CDK14: variants seen among roughly 807,000 people sequenced by gnomAD.
CDK14 encodes cyclin-dependent kinase 14.
In CDK14, 34 loss-of-function variants were observed where a neutral mutation model predicts 60.7. The observed-to-expected ratio is 0.56, with a 90% CI of 0.43 to 0.75. CDK14 has a LOEUF of 0.75. Among genes scored for constraint, CDK14 ranks in the 30% least tolerant of loss-of-function variants. The pLI is 0.00. For synonymous variants in CDK14, 197 were observed against 203.7 expected (o/e 0.97, Z 0.28); for missense variants, 482 against 564.1 (o/e 0.85, Z 1.47).
chr7:91,185,390 G>A lies in CDK14; in HGVS notation c.*29-21775G>A, dbSNP rs140371154. On this transcript the variant is annotated intron_variant, in intron 14 of 14. Coordinates refer to ENST00000380050, the MANE Select transcript of CDK14 (RefSeq NM_001287135.2). ...TTTGTTTAAAACTATACTTTTTTCC[G>A]GATTACAGAAGTAACACATGTTCAG... Among the ~76,000 whole-genome samples, 677 of 146,040 alleles carry A rather than the reference G, an allele frequency of 4.6e-3. 6 individuals carry two copies. Among genetic ancestry groups the A allele is most frequent in the South Asian group, 0.02 (89 of 4,474 alleles).
chr7:91,032,582 G>A (rs1562875986), intron 10 of CDK14, among the ~76,000 whole-genome samples: 1 of 152,208 alleles, frequency 6.6e-6, no homozygotes, highest in Non-Finnish European at 1.5e-5. Context: ...GCAGTGTGAA[G>A]AGGGAGGCAG....
At chr7:90,855,294 G>A (rs1480596485) in intron 5 of CDK14, among the ~76,000 whole-genome samples, 1 of 152,064 alleles carries the variant, frequency 6.6e-6, no homozygotes. Context: ...AAGTGAGGAG[G>A]GATTAGAAGT....
At chr7:90,654,132 G>C (rs1304943704) in intron 2 of CDK14, among the ~76,000 whole-genome samples, 3 of 152,124 alleles carry the variant, frequency 2.0e-5, no homozygotes, top group African/African-American at 7.2e-5. Flanking sequence ...AGAAATTCTT[G>C]TAAGGCATGC....
chr7:90,658,760 C>A (rs2116497202), intron 2 of CDK14, among the ~76,000 whole-genome samples: 1 of 152,050 alleles, frequency 6.6e-6, no homozygotes, highest in East Asian at 1.9e-4. Context: ...CTATAAACAC[C>A]CATACATAGG....
intron 2 of CDK14, among the ~76,000 whole-genome samples, chr7:90,620,895 C>T (rs1799751530): frequency 2.0e-5 from 3 of 152,152 alleles, no homozygotes; most frequent in African/African-American, 7.2e-5. Flanking sequence ...AGGCTTCCTC[C>T]TTTTGTTGCC....
At chr7:90,765,348 G>A (rs61344488) in intron 4 of CDK14, among the ~76,000 whole-genome samples, 29,086 of 152,106 alleles carry the variant, frequency 0.19, 2,903 homozygotes, top group South Asian at 0.24. Context: ...GAGCATAAAG[G>A]ATTATTAAAT....
At chr7:90,891,773 A>T (rs568309973) in intron 6 of CDK14, among the ~76,000 whole-genome samples, 6 of 152,370 alleles carry the variant, frequency 3.9e-5, no homozygotes, top group African/African-American at 1.4e-4. Flanking sequence ...ATTAGCTTAC[A>T]AATATTGTGT....
chr7:90,996,474 A>G (rs1332349467), intron 10 of CDK14, among the ~76,000 whole-genome samples: 1 of 152,244 alleles, frequency 6.6e-6, no homozygotes, highest in Non-Finnish European at 1.5e-5. Flanking sequence ...CTTGATAAAA[A>G]GCTATGGCTG....
chr7:90,774,787 A>G (rs1022714568), intron 4 of CDK14, among the ~76,000 whole-genome samples: 5 of 152,216 alleles, frequency 3.3e-5, no homozygotes, highest in Non-Finnish European at 7.3e-5. Context: ...TTTGGTCTCT[A>G]TTAGAATGGG....
chr7:90,782,859 G>A (rs1380183596), intron 4 of CDK14, among the ~76,000 whole-genome samples: 1 of 152,030 alleles, frequency 6.6e-6, no homozygotes, highest in African/African-American at 2.4e-5. Context: ...GAGGAGTTGG[G>A]GTTCCATGAA....
At chr7:91,032,787 C>T (rs1423935736) in intron 10 of CDK14, among the ~76,000 whole-genome samples, 1 of 152,142 alleles carries the variant, frequency 6.6e-6, no homozygotes, top group Non-Finnish European at 1.5e-5. Flanking sequence ...TTTAAGCCAC[C>T]AAGTTTGTGT....
At chr7:90,990,905 C>T (rs552565430) in intron 10 of CDK14, among the ~76,000 whole-genome samples, 2 of 152,246 alleles carry the variant, frequency 1.3e-5, no homozygotes, top group South Asian at 2.1e-4. Flanking sequence ...TTATTAGGCA[C>T]TTTATGTGAC....
chr7:90,978,260 C>T (rs1014401747), intron 9 of CDK14, among the ~76,000 whole-genome samples: 7 of 152,062 alleles, frequency 4.6e-5, no homozygotes, highest in African/African-American at 1.7e-4. Context: ...AGAGGTCAGC[C>T]GCACAGCATG....
intron 4 of CDK14, among the ~76,000 whole-genome samples, chr7:90,775,018 C>G (rs1048157382): frequency 6.6e-6 from 1 of 152,166 alleles, no homozygotes; most frequent in African/African-American, 2.4e-5. Context: ...TGGTGCATCT[C>G]ATTTCACTGC....
rs147009399 is a variant in CDK14 at position 90,633,523 on chromosome 7, G to GT, written c.123+29277dup. Among the ~76,000 whole-genome samples, 11 of 152,212 alleles carry GT rather than the reference G, an allele frequency of 7.2e-5. No individual in the cohort carries two copies. In the East Asian group the frequency reaches 2.1e-3, roughly 29 times the overall value. On this transcript the variant is annotated intron_variant, in intron 2 of 14. Transcript: ENST00000380050. The stretch of plus-strand genomic sequence containing the variant: ...AATTAATACAAATGGAATCACCATA[G>GT]TTTATGTTTAAGGAATACACAGAGA...
At position 90,872,762 on chromosome 7, in the gene CDK14, G is replaced by A. The variant is rs115732082; in HGVS notation, c.639+9493G>A. Reference sequence around the variant, plus strand: ...CATGATTTGGTATTTAATTCACATGGTCTAAGATAGAAGTGTTTCTGATCT... The same window carrying A: ...CATGATTTGGTATTTAATTCACATGATCTAAGATAGAAGTGTTTCTGATCT... On this transcript the variant is annotated intron_variant, in intron 6 of 14. Coordinates refer to ENST00000380050, the MANE Select transcript of CDK14 (RefSeq NM_001287135.2). 4.9e-3 allele frequency among the ~76,000 whole-genome samples: 744 copies of A among 152,120 alleles called. 9 individuals carry two copies. Among genetic ancestry groups the A allele is most frequent in the African/African-American group, 0.017 (709 of 41,518 alleles).
chr7:90,984,389 A>G (rs1422986269), intron 10 of CDK14, 148 bp downstream of exon 10: 1 of 620,600 alleles, frequency 1.6e-6, no homozygotes, highest in Non-Finnish European at 2.9e-6. Flanking sequence ...TTGAAAAAGC[A>G]GGAAATCAGT....
intron 11 of CDK14, among the ~76,000 whole-genome samples, chr7:91,056,220 A>T (rs1044269282): frequency 6.6e-6 from 1 of 152,114 alleles, no homozygotes; most frequent in African/African-American, 2.4e-5. Flanking sequence ...TCACTAAGCC[A>T]AAAGCTTGCA....
chr7:90,880,065 C>T (rs571914566), intron 6 of CDK14, among the ~76,000 whole-genome samples: 1 of 152,242 alleles, frequency 6.6e-6, no homozygotes, highest in Non-Finnish European at 1.5e-5. Context: ...TCTGCTTAAG[C>T]CTATCAGACT....
Sources: allele counts gnomAD v4.1 joint callset (sites outside exome capture counted in the v4.1 genomes callset), GRCh38; gene constraint gnomAD v4.1.1; transcripts MANE v1.5; gene names NCBI Gene and HGNC (gene_info 2026-07-23, HGNC 2026-07-21).